ZNF33A: variants seen among roughly 807,000 people sequenced by gnomAD.
ZNF33A encodes the protein brain my041 protein.
A neutral mutation model predicts 15.9 loss-of-function variants in ZNF33A; 9 were observed. The ratio of observed to expected loss-of-function variants is 0.57; its 90% CI spans 0.34 to 0.99. ZNF33A has a LOEUF of 0.99. Ranked by LOEUF, ZNF33A falls within the 50% of genes least tolerant of loss-of-function variation. ZNF33A has a pLI of 0.02. For missense variants in ZNF33A, 843 were observed against 941.6 expected (o/e 0.90, Z 1.37); for synonymous variants, 294 against 324.2 (o/e 0.91, Z 1.00).
chr10:38,014,279 G>A (rs1434717203), intron 2 of ZNF33A, among the ~76,000 whole-genome samples: 2 of 151,804 alleles, frequency 1.3e-5, no homozygotes, highest in East Asian at 1.9e-4. Context: ...CAAGTGATCC[G>A]CCTGCCTTGG....
chr10:38,012,173 A>G (rs1564828086), intron 1 of ZNF33A, 125 bp from the exon 2 acceptor site: 8 of 862,918 alleles, frequency 9.3e-6, no homozygotes, highest in Admixed American at 2.6e-5. Flanking sequence ...GTCAGAGGAC[A>G]TTGATACTCT....
intron 4 of ZNF33A, among the ~76,000 whole-genome samples, chr10:38,022,905 T>C (rs1470513001): frequency 2.0e-5 from 3 of 152,182 alleles, no homozygotes; most frequent in Non-Finnish European, 4.4e-5. Flanking sequence ...GAATTAATGA[T>C]GATTTTACAC....
At chr10:38,045,498 G>T (rs1209092928) in intron 4 of ZNF33A, among the ~76,000 whole-genome samples, 1 of 152,172 alleles carries the variant, frequency 6.6e-6, no homozygotes, top group Admixed American at 6.5e-5. Flanking sequence ...CTTCTAGAGG[G>T]TTGTCTTTGA....
intron 4 of ZNF33A, among the ~76,000 whole-genome samples, chr10:38,017,860 C>T (rs1053236639): frequency 2.6e-5 from 4 of 152,116 alleles, no homozygotes; most frequent in Non-Finnish European, 5.9e-5. Flanking sequence ...CAGCACAGGT[C>T]GAGGCAGGCA....
chr10:38,011,236 A>G (rs1238427991), intron 1 of ZNF33A, among the ~76,000 whole-genome samples: 2 of 152,272 alleles, frequency 1.3e-5, no homozygotes, highest in African/African-American at 4.8e-5. Flanking sequence ...GCATCTTGGT[A>G]TTTGCTGTTC....
rs1251992071 is a variant in ZNF33A at position 38,059,128 on chromosome 10, G to A, written c.*2568G>A. ...AAGATGAAATACGATCATATCAATA[G>A]GTACAGAAAAAGCATTTGACAAAAT... On this transcript the variant is annotated 3_prime_UTR_variant, in exon 5 of 5. Transcript: ENST00000432900. 6.6e-6 allele frequency: 1 copy of A among 152,142 alleles called. No individual in the cohort carries two copies. The highest frequency in any genetic ancestry group is 1.5e-5 in the Non-Finnish European group (1 of 68,034). The allele number at this position is 152,142 out of a possible 1,614,324, so 9.4% of individuals were successfully genotyped here.
At chr10:38,027,656 A>G (rs1197255871) in intron 4 of ZNF33A, among the ~76,000 whole-genome samples, 1 of 152,228 alleles carries the variant, frequency 6.6e-6, no homozygotes, top group African/African-American at 2.4e-5. Context: ...CTCAGTCTAA[A>G]ACTGTTAACT....
intron 4 of ZNF33A, among the ~76,000 whole-genome samples, chr10:38,036,084 A>T (rs2065440215): frequency 1.3e-5 from 2 of 152,210 alleles, no homozygotes; most frequent in Admixed American, 1.3e-4. Context: ...TCCAAATAGA[A>T]TGCAACATTG....
At chr10:38,035,915 T>C (rs1162207399) in intron 4 of ZNF33A, among the ~76,000 whole-genome samples, 1 of 152,222 alleles carries the variant, frequency 6.6e-6, no homozygotes, top group African/African-American at 2.4e-5. Context: ...GGAAGAAATA[T>C]ATAAGTTCTC....
chr10:38,032,238 AAGTT>A (rs1469301813), intron 4 of ZNF33A, among the ~76,000 whole-genome samples: 6 of 152,284 alleles, frequency 3.9e-5, no homozygotes, highest in Middle Eastern at 6.8e-3. Flanking sequence ...TTACTAAAAA[AAGTT>A]AGTTTAGTGA....
intron 4 of ZNF33A, among the ~76,000 whole-genome samples, chr10:38,037,311 T>G (rs1257757392): frequency 6.9e-6 from 1 of 145,692 alleles, no homozygotes; most frequent in Non-Finnish European, 1.5e-5. Flanking sequence ...CATCATTTCT[T>G]GAAAAGGTAA....
At chr10:38,028,402 T>C (rs1663986350) in intron 4 of ZNF33A, among the ~76,000 whole-genome samples, 2 of 152,162 alleles carry the variant, frequency 1.3e-5, no homozygotes, top group African/African-American at 4.8e-5. Flanking sequence ...TGCATTTTGT[T>C]TTCTGTATGT....
chr10:38,022,531 C>T (rs1320559746), intron 4 of ZNF33A, among the ~76,000 whole-genome samples: 1 of 151,848 alleles, frequency 6.6e-6, no homozygotes, highest in Admixed American at 6.6e-5. Flanking sequence ...GTGGTGCACG[C>T]CTGTAGTCCC....
In ZNF33A at chr10:38,032,351, GAT is replaced by G. The variant is rs1015189202; in HGVS notation, c.250+14969_250+14970del. On this transcript the variant is annotated intron_variant, in intron 4 of 4. Coordinates refer to ENST00000432900, the MANE Select transcript of ZNF33A (RefSeq NM_006954.2). The stretch of plus-strand genomic sequence containing the variant: ...AACAATTTTCTTGAGAATTATATGA[GAT>G]ATAATTCACATACTGTACTCTTCAC... 1.4e-4 allele frequency among the ~76,000 whole-genome samples: 22 copies of G among 152,238 alleles called. 2 individuals are homozygous for G. Among genetic ancestry groups the G allele is most frequent in the Admixed American group, 1.2e-3 (18 of 15,282 alleles).
chr10:38,015,644 A>C (rs2064418377), intron 2 of ZNF33A, among the ~76,000 whole-genome samples: 2 of 152,312 alleles, frequency 1.3e-5, no homozygotes, highest in Middle Eastern at 3.4e-3. Context: ...TAATATAATT[A>C]GGATGTTTCT....
At chr10:38,027,036 G>A (rs143779143) in intron 4 of ZNF33A, among the ~76,000 whole-genome samples, 1,601 of 152,240 alleles carry the variant, frequency 0.011, 33 homozygotes, top group African/African-American at 0.037. Context: ...TTGACCATAG[G>A]TAGTGTATTT....
chr10:38,016,746 A>G (rs981641937), intron 2 of ZNF33A, 125 bp from the exon 3 acceptor site: 2 of 1,174,392 alleles, frequency 1.7e-6, no homozygotes, highest in Non-Finnish European at 2.4e-6. Context: ...TTAATGGCAG[A>G]ATATTTCTGT....
chr10:38,056,862 T>G lies in ZNF33A; in HGVS notation c.*302T>G. The G allele has an allele frequency of 9.5e-7, 1 of 1,050,266 alleles. No individual in the cohort carries two copies. The highest frequency in any genetic ancestry group is 1.2e-6 in the Non-Finnish European group (1 of 867,746). The allele number at this position is 1,050,266 out of a possible 1,614,324, so 65.1% of individuals were successfully genotyped here. On this transcript the variant is annotated 3_prime_UTR_variant, in exon 5 of 5. Transcript: ENST00000432900. ...TGTTTTGAGTTTGATGCCATAATAGTTTTTAGGGCACCTAACAATAATTTA... is the reference window on the plus strand; with the variant it reads ...TGTTTTGAGTTTGATGCCATAATAGGTTTTAGGGCACCTAACAATAATTTA...
At chr10:38,067,338 C>A (rs972312054), downstream of ZNF33A, among the ~76,000 whole-genome samples, 4 of 152,142 alleles carry the variant, frequency 2.6e-5, no homozygotes, top group African/African-American at 9.7e-5. Flanking sequence ...AAAATACAAG[C>A]CCACCTGTAT....
Sources: gnomAD v4.1 joint callset for allele counts (sites outside exome capture counted in the v4.1 genomes callset) on GRCh38, gnomAD v4.1.1 for gene constraint, MANE v1.5 for transcripts, NCBI Gene and HGNC (gene_info 2026-07-23, HGNC 2026-07-21) for gene names.